VIPR1: variants seen among roughly 807,000 people sequenced by gnomAD.
The protein encoded by VIPR1 is vasoactive intestinal peptide receptor 1.
Under a neutral mutation model 58.8 loss-of-function variants are expected in VIPR1, and 59 were observed. The observed-to-expected ratio is 1.00, with a 90% CI of 0.81 to 1.25. The LOEUF is 1.25. VIPR1 is among the 50% of genes most tolerant of loss of function. VIPR1 has a pLI of 0.00. For synonymous variants in VIPR1, 251 were observed against 242.1 expected (o/e 1.04, Z -0.34); for missense variants, 626 against 602.7 (o/e 1.04, Z -0.40).
chr3:42,532,734 C>T (rs1701637370), intron 10 of VIPR1: 3 of 255,938 alleles, frequency 1.2e-5, no homozygotes, highest in African/African-American at 4.3e-5. Flanking sequence ...CCCCAGTCCA[C>T]CAATGAGACA....
At chr3:42,523,086 C>CG (rs201153668) in intron 3 of VIPR1, among the ~76,000 whole-genome samples, 19 of 151,428 alleles carry the variant, frequency 1.3e-4, no homozygotes, top group African/African-American at 4.4e-4. Flanking sequence ...ATGCCCTGAC[C>CG]CCGCCCCCAG....
intron 1 of VIPR1, among the ~76,000 whole-genome samples, chr3:42,494,085 C>A (rs1699714912): frequency 6.6e-6 from 1 of 152,246 alleles, no homozygotes; most frequent in South Asian, 2.1e-4. Context: ...AAACCTTCCC[C>A]AGTGGGGCAG....
chr3:42,526,080 G>A, intron 4 of VIPR1, 87 bp downstream of exon 4: 2 of 1,312,234 alleles, frequency 1.5e-6, no homozygotes, highest in Non-Finnish European at 2.1e-6. Context: ...GGGTGTGGTT[G>A]CTGTCTGTGT....
chr3:42,492,964 G>A (rs184586486), intron 1 of VIPR1, among the ~76,000 whole-genome samples: 1 of 152,242 alleles, frequency 6.6e-6, no homozygotes, highest in African/African-American at 2.4e-5. Context: ...AACCAATGGA[G>A]GGCGAGAAGG....
intron 3 of VIPR1, among the ~76,000 whole-genome samples, chr3:42,525,683 A>T (rs1034649130): frequency 1.1e-4 from 16 of 152,210 alleles, no homozygotes; most frequent in Admixed American, 3.9e-4. Context: ...TGATTCTATC[A>T]TCGGTGCGGG....
At chr3:42,527,552 A>G in intron 5 of VIPR1, 56 bp downstream of exon 5, 1 of 1,564,780 alleles carries the variant, frequency 6.4e-7, no homozygotes, top group South Asian at 1.1e-5. Context: ...TGTCCCTCCC[A>G]CAGTGGAGCC....
At chr3:42,492,852 ACCAGGCC>A (rs1699690861) in intron 1 of VIPR1, among the ~76,000 whole-genome samples, 1 of 152,324 alleles carries the variant, frequency 6.6e-6, no homozygotes, top group African/African-American at 2.4e-5. Context: ...CGCCCTGGAC[ACCAGGCC>A]CCAGCCCCAC....
In VIPR1 at chr3:42,532,223, T is replaced by A; in HGVS notation, c.919-19T>A. 6.2e-7 allele frequency: 1 copy of A among 1,613,818 alleles called. No homozygotes were observed. The highest frequency in any genetic ancestry group is 8.5e-7 in the Non-Finnish European group (1 of 1,179,744). ...GCCTTCCCGCTCTGACTGCCCGAACTCGGGTCCCCACCCACTAGGTAAACT... is the reference window on the plus strand; with the variant it reads ...GCCTTCCCGCTCTGACTGCCCGAACACGGGTCCCCACCCACTAGGTAAACT... On this transcript the variant is annotated intron_variant, in intron 9 of 12. Transcript: ENST00000325123.
At chr3:42,507,762 C>A (rs1009869881) in intron 1 of VIPR1, 1 of 152,124 alleles carries the variant, frequency 6.6e-6, no homozygotes, top group African/African-American at 2.4e-5. Flanking sequence ...AGTGTCTGTG[C>A]TTGGGTTCTG....
In VIPR1 at chr3:42,536,385, C is replaced by G. The variant is rs1701851134; in HGVS notation, c.*104C>G. On this transcript the variant is annotated 3_prime_UTR_variant, in exon 13 of 13. Coordinates refer to ENST00000325123, the MANE Select transcript of VIPR1 (RefSeq NM_004624.4). ...TGCCCGGGCGCGGCCAGCCCCGGCCCTGGGCTCGGAGGCTGCCCCCGGCCC... is the reference window on the plus strand; with the variant it reads ...TGCCCGGGCGCGGCCAGCCCCGGCCGTGGGCTCGGAGGCTGCCCCCGGCCC... The G allele has an allele frequency of 6.9e-6, 9 of 1,299,872 alleles. No homozygotes were observed. Among genetic ancestry groups the G allele is most frequent in the South Asian group, 1.6e-5 (1 of 62,636 alleles). 80.5% of individuals were successfully genotyped at this position (1,299,872 alleles called of 1,614,324 possible). A position where few individuals can be genotyped will look rare whatever the true frequency, so the allele number is the denominator to read the frequency against.
rs552798491 is a variant in VIPR1 at position 42,536,015 on chromosome 3, C to A, written c.1183-75C>A. 3.4e-6 allele frequency: 5 copies of A among 1,464,810 alleles called. No homozygotes were observed. In the South Asian group the frequency reaches 6.9e-5, roughly 20 times the overall value. The allele number at this position is 1,464,810 out of a possible 1,614,324, so 90.7% of individuals were successfully genotyped here. ...GAATAAGACTGGCTAGTTCAGAACC[C>A]TAAGTCCAGGGCAGCCCAATCAGCA... On this transcript the variant is annotated intron_variant, in intron 12 of 12. Transcript: ENST00000325123.
chr3:42,521,005 G>A (rs766149849), intron 3 of VIPR1, among the ~76,000 whole-genome samples: 10 of 152,248 alleles, frequency 6.6e-5, no homozygotes, highest in African/African-American at 2.2e-4. Flanking sequence ...CACAGTGCAC[G>A]CCATCACCAA....
chr3:42,519,250 C>T lies in VIPR1; in HGVS notation c.212C>T (p.Thr71Ile). The T allele has an allele frequency of 1.9e-6, 3 of 1,610,806 alleles. No individual in the cohort carries two copies. The highest frequency in any genetic ancestry group is 1.3e-5 in the African/African-American group (1 of 74,964). Residue 71 changes from threonine (T) to isoleucine (I), a missense_variant, in exon 3 of 13, where the codon ACC (threonine) becomes ATC (isoleucine). Physicochemically the swap from Thr to Ile is moderately conservative, Grantham distance 89. Transcript: ENST00000325123. ...TGCAGCAAGATGTGGGACAACCTCA[C>T]CTGCTGGCCAGCCACCCCTCGGGGC... ...IGCSKMWDNL[T>I]CWPATPRGQV... is the part of the protein sequence containing the mutation.
At chr3:42,513,065 G>C (rs1048234553) in intron 1 of VIPR1, 17 of 746,744 alleles carry the variant, frequency 2.3e-5, no homozygotes, top group African/African-American at 9.5e-5. Flanking sequence ...TCCAGAAGCA[G>C]GGGAGGCCTG....
chr3:42,502,635 C>A, upstream of VIPR1: 1 of 934,298 alleles, frequency 1.1e-6, no homozygotes, highest in Non-Finnish European at 1.4e-6. Flanking sequence ...GGCCACAGCG[C>A]CAGCGCCACT....
chr3:42,510,924 C>G (rs939135365), intron 1 of VIPR1, among the ~76,000 whole-genome samples: 2 of 152,056 alleles, frequency 1.3e-5, no homozygotes, highest in African/African-American at 4.8e-5. Context: ...GCCAGAAATC[C>G]TAGGCGCCCA....
chr3:42,530,313 T>C lies in VIPR1; in HGVS notation c.637-466T>C, dbSNP rs117904217. ...ATGGGTGGGTGCAGAGATGAATGGA[T>C]GGGTAGATGACTGAGTGGGTTGGTA... On this transcript the variant is annotated intron_variant, in intron 6 of 12. Transcript: ENST00000325123. 1.6e-3 allele frequency: 277 copies of C among 168,618 alleles called. 6 individuals carry two copies. In the East Asian group the frequency reaches 0.041, roughly 25 times the overall value. 10.4% of individuals were successfully genotyped at this position (168,618 alleles called of 1,614,324 possible).
chr3:42,495,323 A>G (rs745741495), intron 1 of VIPR1, among the ~76,000 whole-genome samples: 7 of 151,968 alleles, frequency 4.6e-5, no homozygotes, highest in Non-Finnish European at 7.4e-5. Context: ...GGGTTTCACC[A>G]TGTTAGCCAG....
intron 2 of VIPR1, among the ~76,000 whole-genome samples, chr3:42,518,643 G>A (rs748806672): frequency 9.8e-5 from 15 of 152,342 alleles, no homozygotes; most frequent in Non-Finnish European, 2.1e-4. Flanking sequence ...GGAGGCTGAG[G>A]CAGGAGAATT....
Sources: allele counts gnomAD v4.1 joint callset (sites outside exome capture counted in the v4.1 genomes callset), GRCh38; gene constraint gnomAD v4.1.1; transcripts MANE v1.5; gene names NCBI Gene and HGNC (gene_info 2026-07-23, HGNC 2026-07-21).